The following ATL2 variants were observed in gnomAD, a reference collection of about 807,000 sequenced individuals.
The protein encoded by ATL2 is atlastin GTPase 2.
In ATL2, 31 loss-of-function variants were observed where a neutral mutation model predicts 73.9. That is an observed-to-expected ratio of 0.42 (90% confidence interval 0.32 to 0.57). The LOEUF (loss-of-function observed/expected upper bound fraction) is 0.57, where lower values mean the gene tolerates loss of function less well. ATL2 is among the 20% of genes least tolerant of loss of function. ATL2 has a pLI of 0.14. For missense variants in ATL2, 738 were observed against 702.6 expected (o/e 1.05, Z -0.57); for synonymous variants, 291 against 237.5 (o/e 1.23, Z -2.07).
chr2:38,350,762 T>TA lies in ATL2; in HGVS notation c.119-7251dup, dbSNP rs879368090. Among the ~76,000 whole-genome samples the TA allele has an allele frequency of 9.2e-3, 1,333 of 144,614 alleles. 24 individuals carry two copies. Among genetic ancestry groups the TA allele is most frequent in the African/African-American group, 0.029 (1,169 of 39,798 alleles). 94.9% of individuals were successfully genotyped at this position (144,614 alleles called of 152,430 possible). A position where few individuals can be genotyped will look rare whatever the true frequency, so the allele number is the denominator to read the frequency against. On this transcript the variant is annotated intron_variant, in intron 1 of 12. Coordinates refer to ENST00000378954, the MANE Select transcript of ATL2 (RefSeq NM_001135673.4). The stretch of plus-strand genomic sequence containing the variant: ...TATTGCTGTGAAGCTAAAATTGCTC[T>TA]AAAAAAAAAAACCAAAAAAGTCTAT...
chr2:38,353,264 T>C (rs1670463038), intron 1 of ATL2, among the ~76,000 whole-genome samples: 1 of 151,752 alleles, frequency 6.6e-6, no homozygotes. Context: ...ATAGAAACTA[T>C]TAAAAAACAA....
At chr2:38,334,681 T>C (rs982138181) in intron 2 of ATL2, among the ~76,000 whole-genome samples, 1 of 150,802 alleles carries the variant, frequency 6.6e-6, no homozygotes, top group Middle Eastern at 3.2e-3. Context: ...CTGGGCAACA[T>C]GAACGAAACT....
rs971178071 is a variant in ATL2 at position 38,364,783 on chromosome 2, G to A, written c.118+12360C>T. 3.3e-5 allele frequency among the ~76,000 whole-genome samples: 5 copies of A among 152,136 alleles called. No homozygotes were observed. The East Asian group carries it at 7.7e-4, about 23-fold the overall frequency. ...TTGTTGGCTAGGCACAGTGGCTTGC[G>A]CCTGTAATCCCAGCACTTTGGGAGG... On this transcript the variant is annotated intron_variant, in intron 1 of 12. Coordinates refer to ENST00000378954, the MANE Select transcript of ATL2 (RefSeq NM_001135673.4).
intron 1 of ATL2, among the ~76,000 whole-genome samples, chr2:38,374,716 A>C (rs1573610917): frequency 6.6e-6 from 1 of 152,350 alleles, no homozygotes; most frequent in East Asian, 1.9e-4. Context: ...CAGCATTATC[A>C]AACTAGTTAA....
In ATL2 at chr2:38,318,637, A is replaced by T; in HGVS notation, c.501T>A (p.Val167=). The change falls in exon 4 of 13, where the codon GTT becomes GTA. Residue 167 remains valine (V), a splice_region_variant and synonymous_variant. Transcript: ENST00000378954. ...CCTGGGTATCCATAAGCAGCACAGCAACCTAGGAATTTGAGAGTTTAAAAT... is the reference window on the plus strand; with the variant it reads ...CCTGGGTATCCATAAGCAGCACAGCTACCTAGGAATTTGAGAGTTTAAAAT... The part of the protein sequence containing the change: ...FVIDRPNGTK[V]AVLLMDTQGA... 1 of 1,588,168 alleles carries T rather than the reference A, an allele frequency of 6.3e-7. No homozygotes were observed. Among genetic ancestry groups the T allele is most frequent in the Non-Finnish European group, 8.5e-7 (1 of 1,172,092 alleles).
At chr2:38,325,691 CA>C (rs1668589807) in intron 2 of ATL2, among the ~76,000 whole-genome samples, 6 of 61,290 alleles carry the variant, frequency 9.8e-5, no homozygotes, top group African/African-American at 3.4e-4. Context: ...CACACACACA[CA>C]CACCAGTACA....
chr2:38,365,031 G>A (rs566987333), intron 1 of ATL2, among the ~76,000 whole-genome samples: 177 of 147,442 alleles, frequency 1.2e-3, no homozygotes, highest in African/African-American at 4.2e-3. Flanking sequence ...GGTACAGAGC[G>A]AGACTCCGTC....
intron 1 of ATL2, among the ~76,000 whole-genome samples, chr2:38,344,548 T>A (rs1669911462): frequency 6.6e-6 from 1 of 152,180 alleles, no homozygotes; most frequent in South Asian, 2.1e-4. Context: ...AGGCAGAGGT[T>A]GCAGTGAGCT....
At chr2:38,358,555 G>T in intron 1 of ATL2, 1 of 332,524 alleles carries the variant, frequency 3.0e-6, no homozygotes, top group South Asian at 2.0e-5. Context: ...AGCCGGACAC[G>T]GTGGCAGGCG....
At chr2:38,350,143 C>T (rs769597296) in intron 1 of ATL2, among the ~76,000 whole-genome samples, 11 of 152,168 alleles carry the variant, frequency 7.2e-5, no homozygotes, top group Non-Finnish European at 1.5e-4. Context: ...ACTGAAGTTA[C>T]GTCCTGTGTA....
intron 2 of ATL2, among the ~76,000 whole-genome samples, chr2:38,325,662 A>AT (rs1558411798): frequency 0.044 from 212 of 4,812 alleles, 20 homozygotes; most frequent in African/African-American, 0.15. Context: ...ACACACCAGT[A>AT]CACACACACA....
intron 2 of ATL2, 101 bp from the exon 3 acceptor site, chr2:38,319,120 C>T (rs542182137): frequency 1.6e-5 from 20 of 1,276,352 alleles, no homozygotes; most frequent in South Asian, 5.5e-5. Context: ...AAGCTAAACC[C>T]GGAAAGACAA....
chr2:38,350,681 G>A (rs549838410), intron 1 of ATL2, among the ~76,000 whole-genome samples: 12 of 152,222 alleles, frequency 7.9e-5, no homozygotes, highest in African/African-American at 2.6e-4. Context: ...CGCTGATGGC[G>A]GGGGACAGTG....
chr2:38,311,695 C>G (rs10451645), intron 7 of ATL2, among the ~76,000 whole-genome samples: 12,451 of 152,142 alleles, frequency 0.082, 1,715 homozygotes, highest in African/African-American at 0.28. Flanking sequence ...GGGAAGGTTG[C>G]TGTATGGAGG....
intron 1 of ATL2, among the ~76,000 whole-genome samples, chr2:38,347,141 G>A (rs1476736654): frequency 2.0e-5 from 3 of 152,134 alleles, no homozygotes; most frequent in Admixed American, 2.0e-4. Flanking sequence ...CCCATCATAA[G>A]CAGAAAATAG....
chr2:38,295,909 A>G lies in ATL2; in HGVS notation c.*85T>C. 2 of 1,176,238 alleles carry G rather than the reference A, an allele frequency of 1.7e-6. No individual in the cohort carries two copies. Among genetic ancestry groups the G allele is most frequent in the Non-Finnish European group, 2.4e-6 (2 of 837,138 alleles). 72.9% of individuals were successfully genotyped at this position (1,176,238 alleles called of 1,614,324 possible). On this transcript the variant is annotated 3_prime_UTR_variant, in exon 13 of 13. Transcript: ENST00000378954. ...CTAAACTACTTCTACAGTTGATTGT[A>G]AACTTTGGTTTATTTTTATTTGAGT... is the stretch of plus-strand genomic sequence containing the variant.
intron 2 of ATL2, among the ~76,000 whole-genome samples, chr2:38,342,138 G>A (rs546204394): frequency 6.6e-6 from 1 of 151,182 alleles, no homozygotes; most frequent in African/African-American, 2.4e-5. Flanking sequence ...TTTTTCAGGA[G>A]AGAAAGTCAG....
At chr2:38,304,491 CAG>C (rs2148410270) in intron 9 of ATL2, among the ~76,000 whole-genome samples, 1 of 152,194 alleles carries the variant, frequency 6.6e-6, no homozygotes, top group African/African-American at 2.4e-5. Context: ...CACAGAAAAA[CAG>C]AATATTATTA....
At chr2:38,319,676 C>T (rs1032487997) in intron 2 of ATL2, among the ~76,000 whole-genome samples, 3 of 151,762 alleles carry the variant, frequency 2.0e-5, no homozygotes, top group African/African-American at 4.8e-5. Context: ...ATAAAAAACT[C>T]GGCACCAATT....
Sources: allele counts gnomAD v4.1 joint callset (sites outside exome capture counted in the v4.1 genomes callset), GRCh38; gene constraint gnomAD v4.1.1; transcripts MANE v1.5; gene names NCBI Gene and HGNC (gene_info 2026-07-23, HGNC 2026-07-21).